KIF6: variants seen among roughly 807,000 people sequenced by gnomAD.
KIF6 encodes the protein kinesin-like protein KIF6.
In KIF6, 106 loss-of-function variants were observed where a neutral mutation model predicts 112.7. That is an observed-to-expected ratio of 0.94 (90% CI 0.80 to 1.11). The LOEUF (loss-of-function observed/expected upper bound fraction) is 1.11, where lower values mean the gene tolerates loss of function less well. KIF6 is among the 50% of genes least tolerant of loss of function. The pLI, the probability that KIF6 is intolerant of heterozygous loss-of-function variation, is 0.00. For synonymous variants in KIF6, 339 were observed against 339.9 expected, an observed-to-expected ratio of 1.00 and a Z score of 0.03; for missense variants, 929 against 964.0, an observed-to-expected ratio of 0.96 and a Z score of 0.48.
chr6:39,604,343 T>C (rs997755268), intron 6 of KIF6, among the ~76,000 whole-genome samples: 7 of 152,284 alleles, frequency 4.6e-5, no homozygotes, highest in East Asian at 1.9e-4. Context: ...TGCTATGCCC[T>C]TGATGTACTC....
At chr6:39,580,455 A>G (rs1308524335) in intron 9 of KIF6, among the ~76,000 whole-genome samples, 1 of 151,834 alleles carries the variant, frequency 6.6e-6, no homozygotes, top group Non-Finnish European at 1.5e-5. Context: ...CTTCTTTTCT[A>G]ATTCTTATAT....
intron 14 of KIF6, among the ~76,000 whole-genome samples, chr6:39,425,334 G>T (rs1442136154): frequency 1.3e-5 from 2 of 152,204 alleles, no homozygotes; most frequent in Non-Finnish European, 2.9e-5. Context: ...CAGAGAGGAG[G>T]ACAGAAGACT....
At chr6:39,463,992 T>C (rs1357648928) in intron 13 of KIF6, among the ~76,000 whole-genome samples, 3 of 152,222 alleles carry the variant, frequency 2.0e-5, no homozygotes, top group African/African-American at 7.2e-5. Flanking sequence ...CCTTGTTTAG[T>C]AGGTGTACAT....
chr6:39,555,434 C>T (rs1014613306), intron 10 of KIF6, among the ~76,000 whole-genome samples: 4 of 152,106 alleles, frequency 2.6e-5, no homozygotes, highest in Admixed American at 6.5e-5. Context: ...TCCTGGACCT[C>T]TTGTGTATGC....
intron 3 of KIF6, among the ~76,000 whole-genome samples, chr6:39,667,221 A>G (rs375194040): frequency 3.4e-4 from 49 of 145,746 alleles, no homozygotes; most frequent in African/African-American, 1.2e-3. Context: ...ACAACAGGCC[A>G]TCTGAAAGCC....
intron 13 of KIF6, among the ~76,000 whole-genome samples, chr6:39,493,862 C>A (rs1272728454): frequency 6.6e-6 from 1 of 152,212 alleles, no homozygotes; most frequent in African/African-American, 2.4e-5. Context: ...TGGAGTTCAA[C>A]TAGGAGCTCC....
chr6:39,367,584 G>A (rs1041902501), intron 16 of KIF6, among the ~76,000 whole-genome samples: 17 of 152,202 alleles, frequency 1.1e-4, no homozygotes, highest in Non-Finnish European at 2.4e-4. Context: ...TTCAAGTTGG[G>A]AGGACGCACA....
At chr6:39,544,416 C>T (rs2150568940) in intron 12 of KIF6, 139 bp downstream of exon 12, 1 of 795,700 alleles carries the variant, frequency 1.3e-6, no homozygotes, top group Non-Finnish European at 1.9e-6. Flanking sequence ...GCTGAAGGGA[C>T]CTTTGACTTC....
chr6:39,553,609 C>T (rs1258127772), intron 10 of KIF6, among the ~76,000 whole-genome samples: 1 of 152,176 alleles, frequency 6.6e-6, no homozygotes, highest in African/African-American at 2.4e-5. Context: ...GCATATTTTA[C>T]AAGGTCCTTT....
At chr6:39,578,227 T>C in intron 9 of KIF6, 68 bp from the exon 10 acceptor site, 2 of 991,732 alleles carry the variant, frequency 2.0e-6, no homozygotes, top group South Asian at 1.3e-5. Flanking sequence ...ACAGAGAACA[T>C]ACAGCTCTTA....
intron 6 of KIF6, among the ~76,000 whole-genome samples, chr6:39,609,459 G>A (rs75143784): frequency 2.0e-5 from 3 of 150,548 alleles, no homozygotes; most frequent in Admixed American, 6.8e-5. Flanking sequence ...TAGACCACTC[G>A]GACACAGTAT....
At chr6:39,557,456 A>G (rs1353420211) in intron 10 of KIF6, among the ~76,000 whole-genome samples, 1 of 152,194 alleles carries the variant, frequency 6.6e-6, no homozygotes, top group East Asian at 1.9e-4. Flanking sequence ...ATGATGCAGG[A>G]CCTACAAAAA....
intron 13 of KIF6, among the ~76,000 whole-genome samples, chr6:39,529,929 C>A (rs1195941452): frequency 2.0e-5 from 3 of 152,252 alleles, no homozygotes. Flanking sequence ...TTTCATGTCA[C>A]CTGCTCTGTA....
chr6:39,559,038 A>T (rs1275575584), intron 10 of KIF6, among the ~76,000 whole-genome samples: 4 of 152,288 alleles, frequency 2.6e-5, no homozygotes, highest in Non-Finnish European at 5.9e-5. Context: ...ATATCTTCAA[A>T]ATGTAGTGTC....
At chr6:39,620,457 G>A (rs1368879479) in intron 5 of KIF6, 1 of 152,114 alleles carries the variant, frequency 6.6e-6, no homozygotes, top group African/African-American at 2.4e-5. Flanking sequence ...CCTCTGCCAG[G>A]TAAATAGCTT....
At chr6:39,415,301 T>TAAAAAAAAAAAAAAA in intron 15 of KIF6, among the ~76,000 whole-genome samples, 1 of 89,458 alleles carries the variant, frequency 1.1e-5, no homozygotes, top group Non-Finnish European at 2.2e-5. Flanking sequence ...TTTTAAAATG[T>TAAAAAAAAAAAAAAA]AAAAAAAAAA....
chr6:39,550,439 AG>A (rs1485483730), intron 10 of KIF6, among the ~76,000 whole-genome samples: 1 of 152,218 alleles, frequency 6.6e-6, no homozygotes, highest in Non-Finnish European at 1.5e-5. Flanking sequence ...GGGCAGAGAT[AG>A]CAGAAGCATG....
At chr6:39,388,968 G>A (rs1767645676) in intron 15 of KIF6, among the ~76,000 whole-genome samples, 1 of 152,198 alleles carries the variant, frequency 6.6e-6, no homozygotes, top group South Asian at 2.1e-4. Context: ...ATTTACCACA[G>A]TACATGCTAG....
intron 19 of KIF6, among the ~76,000 whole-genome samples, chr6:39,351,221 TTTTC>T (rs1035167735): frequency 6.0e-5 from 9 of 150,172 alleles, no homozygotes; most frequent in African/African-American, 1.5e-4. Context: ...AGTGTATTTC[TTTTC>T]TTTCTTTTTT....
Sources: allele counts gnomAD v4.1 joint callset (sites outside exome capture counted in the v4.1 genomes callset), GRCh38; gene constraint gnomAD v4.1.1; transcripts MANE v1.5; gene names NCBI Gene and HGNC (gene_info 2026-07-23, HGNC 2026-07-21).